EVC: variants seen among roughly 807,000 people sequenced by gnomAD.
EVC encodes the protein EvC ciliary complex subunit 1.
A neutral mutation model predicts 118.9 loss-of-function variants in EVC; 116 were observed. The ratio of observed to expected loss-of-function variants is 0.98; its 90% CI spans 0.84 to 1.14. The LOEUF (loss-of-function observed/expected upper bound fraction) is 1.14, where lower values mean the gene tolerates loss of function less well. Ranked by LOEUF, EVC falls within the 50% of genes most tolerant of loss-of-function variation. The pLI is 0.00. For synonymous variants in EVC, 619 were observed against 534.7 expected, an observed-to-expected ratio of 1.16 and a Z score of -2.18; for missense variants, 1,401 against 1,246.4, an observed-to-expected ratio of 1.12 and a Z score of -1.87.
chr4:5,784,606 ATTTTTTT>A (rs35237111), intron 12 of EVC, among the ~76,000 whole-genome samples: 2 of 111,218 alleles, frequency 1.8e-5, no homozygotes, highest in South Asian at 3.0e-4. Context: ...ATACACATTG[ATTTTTTT>A]TTTTTTTTTT....
rs373011673 is a variant in EVC, at chr4:5,795,185, A to T, written c.1886+1468A>T. ...CTTTGCTATCATGAATAGCACTGCAATGAACATATAAGTACATGTGTCTTT... is the reference window on the plus strand; with the variant it reads ...CTTTGCTATCATGAATAGCACTGCATTGAACATATAAGTACATGTGTCTTT... On this transcript the variant is annotated intron_variant, in intron 13 of 20. Coordinates refer to ENST00000264956, the MANE Select transcript of EVC (RefSeq NM_153717.3). 7.2e-5 allele frequency among the ~76,000 whole-genome samples: 11 copies of T among 152,344 alleles called. No homozygotes were observed. The East Asian group carries it at 1.5e-3, about 21-fold the overall frequency.
chr4:5,722,304 A>G (rs978613454), intron 2 of EVC, among the ~76,000 whole-genome samples: 1 of 152,168 alleles, frequency 6.6e-6, no homozygotes, highest in Non-Finnish European at 1.5e-5. Context: ...TTTTCTGCCT[A>G]GTAATGTCTT....
At chr4:5,786,603 G>A (rs1023390818) in intron 12 of EVC, among the ~76,000 whole-genome samples, 1 of 152,196 alleles carries the variant, frequency 6.6e-6, no homozygotes, top group Non-Finnish European at 1.5e-5. Context: ...GCCGGGTGCG[G>A]TGGCTCACGC....
At position 5,733,405 on chromosome 4, in the gene EVC, G is replaced by C; in HGVS notation, c.672G>C (p.Leu224Phe). ...YSLHLKDLLH[L>F]DTALRQEKHM... ...TTCACTTAAAAGACCTGCTGCATTT[G>C]GACACGGCACTGAGGCAGGAAAAGC... Residue 224 changes from leucine to phenylalanine, a missense_variant, in exon 5 of 21, where the codon TTG becomes TTC. Coordinates refer to ENST00000264956, the MANE Select transcript of EVC (RefSeq NM_153717.3). The C allele has an allele frequency of 6.2e-7, 1 of 1,614,078 alleles. No homozygotes were observed. The highest frequency in any genetic ancestry group is 2.2e-5 in the East Asian group (1 of 44,886).
chr4:5,819,135 T>A (rs1560464995), downstream of EVC, among the ~76,000 whole-genome samples: 1 of 152,144 alleles, frequency 6.6e-6, no homozygotes, highest in Non-Finnish European at 1.5e-5. Context: ...ATATTGTACA[T>A]AAAGATTATT....
At chr4:5,802,301 G>A (rs996610169) in intron 16 of EVC, among the ~76,000 whole-genome samples, 13 of 152,214 alleles carry the variant, frequency 8.5e-5, no homozygotes, top group Non-Finnish European at 1.8e-4. Context: ...CACATCCAGT[G>A]CAGTGGGAGT....
At chr4:5,824,264 G>C in the EVC span, 1 of 983,854 alleles carries the variant, frequency 1.0e-6, no homozygotes, top group Non-Finnish European at 1.2e-6. Flanking sequence ...CCAATCCCTG[G>C]TTTGCTGATT....
rs1003010318 is a variant in EVC, at chr4:5,814,183, T to G, written c.*3146T>G. 3 of 152,300 alleles carry G rather than the reference T, an allele frequency of 2.0e-5. No homozygotes were observed. Among genetic ancestry groups the G allele is most frequent in the Non-Finnish European group, 4.4e-5 (3 of 68,088 alleles). 9.4% of individuals were successfully genotyped at this position (152,300 alleles called of 1,614,324 possible). Reference sequence around the variant, plus strand: ...CGCAGGTACCCTGCCTCCATTTTGGTTACCATCCCCACTTATTATGGGCTG... The same window carrying G: ...CGCAGGTACCCTGCCTCCATTTTGGGTACCATCCCCACTTATTATGGGCTG... On this transcript the variant is annotated 3_prime_UTR_variant, in exon 21 of 21. Coordinates refer to ENST00000264956, the MANE Select transcript of EVC (RefSeq NM_153717.3).
chr4:5,727,022 C>T (rs1183400922), intron 2 of EVC, among the ~76,000 whole-genome samples: 4 of 152,084 alleles, frequency 2.6e-5, no homozygotes, highest in Admixed American at 2.6e-4. Context: ...AATAGTGCCG[C>T]AATAAATATA....
chr4:5,795,495 A>G (rs1360413903), intron 13 of EVC, among the ~76,000 whole-genome samples: 1 of 152,170 alleles, frequency 6.6e-6, no homozygotes, highest in Non-Finnish European at 1.5e-5. Context: ...CTACTAAAAT[A>G]CAAAAAATTA....
chr4:5,716,792 G>T (rs1724035202), intron 1 of EVC, among the ~76,000 whole-genome samples: 2 of 152,190 alleles, frequency 1.3e-5, no homozygotes, highest in Admixed American at 1.3e-4. Flanking sequence ...GGATTTGCAG[G>T]CCCTTAAAAA....
At chr4:5,761,524 G>A (rs1732013542) in intron 11 of EVC, among the ~76,000 whole-genome samples, 1 of 143,848 alleles carries the variant, frequency 7.0e-6, no homozygotes, top group Admixed American at 7.0e-5. Context: ...GGGGGGTGGG[G>A]CAGCAATGAG....
At chr4:5,801,462 T>C (rs564826302) in intron 15 of EVC, among the ~76,000 whole-genome samples, 265 of 152,226 alleles carry the variant, frequency 1.7e-3, no homozygotes, top group African/African-American at 5.9e-3. Flanking sequence ...GCAGATCACC[T>C]GAGGTCAGGA....
At chr4:5,773,734 A>T (rs949203617) in intron 11 of EVC, among the ~76,000 whole-genome samples, 1 of 152,050 alleles carries the variant, frequency 6.6e-6, no homozygotes, top group Non-Finnish European at 1.5e-5. Flanking sequence ...TGGATGGCCC[A>T]GTACTGCAGG....
intron 12 of EVC, among the ~76,000 whole-genome samples, chr4:5,784,257 G>T (rs1267710083): frequency 6.6e-6 from 1 of 152,190 alleles, no homozygotes; most frequent in Non-Finnish European, 1.5e-5. Flanking sequence ...AGGGATGTTT[G>T]TGGGTTATCC....
intron 17 of EVC, 25 bp downstream of exon 17, chr4:5,804,866 G>C (rs571871058): frequency 1.9e-6 from 3 of 1,583,618 alleles, no homozygotes; most frequent in Non-Finnish European, 2.6e-6. Context: ...GAGGTCCCAC[G>C]TAGGGCTGTT....
chr4:5,748,318 G>T lies in EVC; in HGVS notation c.1098+12G>T. ...AGCTGCAGGCTCTGGTAATGCTGGA[G>T]GGGGCGGGAGGGAACATAAAGATAT... On this transcript the variant is annotated intron_variant, in intron 8 of 20. Coordinates refer to ENST00000264956, the MANE Select transcript of EVC (RefSeq NM_153717.3). 1.2e-6 allele frequency: 2 copies of T among 1,613,836 alleles called. No individual in the cohort carries two copies. The highest frequency in any genetic ancestry group is 1.7e-6 in the Non-Finnish European group (2 of 1,179,870).
chr4:5,798,453 C>A lies in EVC; in HGVS notation c.2098-133C>A. ...TGATTTTTGCAAGCCCAGAGGCCAC[C>A]TCTTTCTGCCCTTTCTCCATCCCTT... On this transcript the variant is annotated intron_variant, in intron 14 of 20. Transcript: ENST00000264956. This position sits in a 1 kb window ranked among gnomAD's most constrained non-coding sequence, Gnocchi z 4.1. 1 of 901,516 alleles carries A rather than the reference C, an allele frequency of 1.1e-6. No homozygotes were observed. The highest frequency in any genetic ancestry group is 1.8e-6 in the Non-Finnish European group (1 of 562,468). The allele number at this position is 901,516 out of a possible 1,614,324, so 55.8% of individuals were successfully genotyped here. A position where few individuals can be genotyped will look rare whatever the true frequency, so the allele number is the denominator to read the frequency against.
At chr4:5,752,717 G>C (rs189745406) in intron 8 of EVC, 119 bp from the exon 9 acceptor site, 11 of 1,026,532 alleles carry the variant, frequency 1.1e-5, no homozygotes, top group Non-Finnish European at 1.7e-5. Flanking sequence ...TCTGAGCTCC[G>C]CTCTCCCAGG....
Sources: allele counts gnomAD v4.1 joint callset (sites outside exome capture counted in the v4.1 genomes callset), GRCh38; gene constraint gnomAD v4.1.1; non-coding constraint Gnocchi (gnomAD v3.1); transcripts MANE v1.5; gene names NCBI Gene and HGNC (gene_info 2026-07-23, HGNC 2026-07-21).